PACRG: variants seen among roughly 807,000 people sequenced by gnomAD.
The protein encoded by PACRG is parkin coregulated gene protein.
In PACRG, 29 loss-of-function variants were observed where a neutral mutation model predicts 29.7. The ratio of observed to expected loss-of-function variants is 0.98; its 90% CI spans 0.73 to 1.33. The LOEUF is 1.33. Ranked by LOEUF, PACRG falls within the 40% of genes most tolerant of loss-of-function variation. The pLI, the probability that PACRG is intolerant of heterozygous loss-of-function variation, is 0.00. For synonymous variants in PACRG, 116 were observed against 118.7 expected (o/e 0.98, Z 0.15); for missense variants, 279 against 316.2 (o/e 0.88, Z 0.89).
intron 4 of PACRG, among the ~76,000 whole-genome samples, chr6:163,231,208 G>A (rs986385272): frequency 6.6e-6 from 1 of 152,224 alleles, no homozygotes; most frequent in African/African-American, 2.4e-5. Context: ...AGCAGCACTG[G>A]CGTCCTCCAA....
intron 4 of PACRG, among the ~76,000 whole-genome samples, chr6:163,253,297 CAAAAAA>C (rs576001593): frequency 2.0e-5 from 1 of 50,136 alleles, no homozygotes; most frequent in Non-Finnish European, 4.5e-5. Context: ...GAGACTGTCT[CAAAAAA>C]AAAAAAAAAA....
chr6:163,117,345 G>A (rs557001219), intron 4 of PACRG, among the ~76,000 whole-genome samples: 35 of 152,318 alleles, frequency 2.3e-4, no homozygotes, highest in African/African-American at 7.5e-4. Context: ...GACTGAGGCC[G>A]CCTGGCTCCA....
intron 2 of PACRG, among the ~76,000 whole-genome samples, chr6:162,973,215 A>G (rs375560203): frequency 3.9e-5 from 6 of 152,332 alleles, no homozygotes; most frequent in African/African-American, 1.2e-4. Flanking sequence ...CCCAGCACTG[A>G]CCAGTCATGA....
chr6:163,299,228 G>A (rs761984844), intron 4 of PACRG, among the ~76,000 whole-genome samples: 1 of 152,184 alleles, frequency 6.6e-6, no homozygotes, highest in Non-Finnish European at 1.5e-5. Context: ...TGGATTTATT[G>A]CCTTGTTCTT....
intron 4 of PACRG, among the ~76,000 whole-genome samples, chr6:163,132,040 T>G (rs532816231): frequency 2.0e-5 from 3 of 152,354 alleles, no homozygotes; most frequent in Non-Finnish European, 2.9e-5. Context: ...CAGAAAGATG[T>G]GATTTGGTTT....
At chr6:163,075,161 G>A (rs1294528048) in intron 3 of PACRG, among the ~76,000 whole-genome samples, 1 of 151,978 alleles carries the variant, frequency 6.6e-6, no homozygotes, top group Non-Finnish European at 1.5e-5. Flanking sequence ...AAATGATCAA[G>A]GTGGAAAATA....
intron 2 of PACRG, among the ~76,000 whole-genome samples, chr6:163,000,474 G>A (rs945181389): frequency 9.9e-5 from 15 of 152,182 alleles, no homozygotes; most frequent in African/African-American, 2.9e-4. Context: ...GGTCCCTGTC[G>A]CTCCAAACAG....
chr6:163,168,570 G>C (rs73012847), intron 4 of PACRG, among the ~76,000 whole-genome samples: 2 of 64,532 alleles, frequency 3.1e-5, no homozygotes, highest in African/African-American at 1.2e-4. Flanking sequence ...ACAACAACAA[G>C]AACTCTGAAA....
upstream of PACRG, chr6:162,727,313 G>A (rs1285664016): frequency 3.0e-5 from 11 of 365,588 alleles, no homozygotes; most frequent in Non-Finnish European, 5.4e-5. Flanking sequence ...GCGGCGGGGC[G>A]AAGGTGAGGG....
chr6:162,842,138 T>A (rs1214309151), intron 2 of PACRG, among the ~76,000 whole-genome samples: 5 of 150,598 alleles, frequency 3.3e-5, no homozygotes, highest in Non-Finnish European at 5.9e-5. Context: ...TGAGTTCAAT[T>A]CCTGGGTATC....
intron 2 of PACRG, among the ~76,000 whole-genome samples, chr6:162,975,325 T>C (rs957187787): frequency 1.3e-5 from 2 of 152,352 alleles, no homozygotes; most frequent in East Asian, 1.9e-4. Flanking sequence ...CCCTGATATA[T>C]GGCAAATGAT....
intron 2 of PACRG, among the ~76,000 whole-genome samples, chr6:162,993,228 G>A (rs1291619860): frequency 6.6e-6 from 1 of 151,438 alleles, no homozygotes; most frequent in Non-Finnish European, 1.5e-5. Context: ...TTGATTTGGG[G>A]TGGAGAGTTC....
At chr6:163,271,338 A>AGATTGAGGGTG (rs1562351370) in intron 4 of PACRG, among the ~76,000 whole-genome samples, 21 of 20,484 alleles carry the variant, frequency 1.0e-3, no homozygotes, top group African/African-American at 2.0e-3. Context: ...CAAACACACC[A>AGATTGAGGGTG]GGAACAATAC....
chr6:162,985,195 A>G (rs1217159115), intron 2 of PACRG, among the ~76,000 whole-genome samples: 3 of 152,104 alleles, frequency 2.0e-5, no homozygotes, highest in Non-Finnish European at 4.4e-5. Context: ...TCCTCCTTTC[A>G]GTCATTCTAT....
intron 2 of PACRG, among the ~76,000 whole-genome samples, chr6:163,007,651 C>A (rs1160382311): frequency 6.6e-6 from 1 of 152,126 alleles, no homozygotes; most frequent in Admixed American, 6.5e-5. Flanking sequence ...TGTCCTGCTT[C>A]TTAGGGGTGA....
chr6:163,108,245 A>C (rs1815494549), intron 4 of PACRG, among the ~76,000 whole-genome samples: 1 of 152,014 alleles, frequency 6.6e-6, no homozygotes, highest in Non-Finnish European at 1.5e-5. Flanking sequence ...AGAACCACCC[A>C]CTTTGCTCTC....
intron 4 of PACRG, among the ~76,000 whole-genome samples, chr6:163,122,014 A>G (rs1816301015): frequency 6.6e-6 from 1 of 151,886 alleles, no homozygotes; most frequent in South Asian, 2.1e-4. Context: ...TATTCTATAC[A>G]TGCGGAGGAG....
chr6:162,937,793 G>A (rs925214834), intron 2 of PACRG, among the ~76,000 whole-genome samples: 5 of 151,908 alleles, frequency 3.3e-5, no homozygotes, highest in African/African-American at 1.2e-4. Flanking sequence ...TGTCTCGGTT[G>A]GACCAAAACT....
intron 4 of PACRG, among the ~76,000 whole-genome samples, chr6:163,212,535 T>G (rs933235593): frequency 1.3e-5 from 2 of 152,196 alleles, no homozygotes; most frequent in Non-Finnish European, 2.9e-5. Flanking sequence ...GGGACACAGA[T>G]GCTGGCTCAA....
Sources: gnomAD v4.1 joint callset for allele counts (sites outside exome capture counted in the v4.1 genomes callset) on GRCh38, gnomAD v4.1.1 for gene constraint, MANE v1.5 for transcripts, NCBI Gene and HGNC (gene_info 2026-07-23, HGNC 2026-07-21) for gene names.